The following ASB10 variants were observed in gnomAD, a reference collection of about 807,000 sequenced individuals.
ASB10 encodes ankyrin repeat and SOCS box protein 10.
In ASB10, 44 loss-of-function variants were observed where a neutral mutation model predicts 35.4. That is an observed-to-expected ratio of 1.24 (90% CI 0.98 to 1.60). The LOEUF (loss-of-function observed/expected upper bound fraction) is 1.60, where lower values mean the gene tolerates loss of function less well. Among genes scored for constraint, ASB10 ranks in the 40% most tolerant of loss-of-function variants. ASB10 has a pLI of 0.00. For synonymous variants in ASB10, 294 were observed against 280.4 expected (o/e 1.05, Z -0.49); for missense variants, 647 against 634.3 (o/e 1.02, Z -0.22).
chr7:151,176,162 G>A lies in ASB10; in HGVS notation c.1354C>T (p.Pro452Ser). 1.2e-6 allele frequency: 2 copies of A among 1,611,902 alleles called. No homozygotes were observed. Among genetic ancestry groups the A allele is most frequent in the Non-Finnish European group, 1.7e-6 (2 of 1,179,838 alleles). The change falls in exon 5 of 6, where the codon CCG becomes TCG. Residue 452 changes from proline (P) to serine (S), a missense_variant. Physicochemically the swap from Pro to Ser is moderately conservative, Grantham distance 74. Transcript: ENST00000420175. ...PQALPRLPLPPRLLRYLQLDF... is the reference protein window; with the variant it reads ...PQALPRLPLPSRLLRYLQLDF... ...AGCTGCAGGTAGCGGAGCAGGCGCG[G>A]TGGCAGGGGGAGGCGGGGCAGCGCT... is the stretch of plus-strand genomic sequence containing the variant.
chr7:151,181,011 C>T lies in ASB10; in HGVS notation c.1032G>A (p.Gln344=), dbSNP rs1801475862. The T allele has an allele frequency of 1.2e-6, 2 of 1,603,916 alleles. No individual in the cohort carries two copies. Among genetic ancestry groups the T allele is most frequent in the South Asian group, 1.1e-5 (1 of 90,856 alleles). ...GAGCCCGAACCACGTGCTCGGGGCT[C>T]TGGGCCAGGGCTGCAGCTGGGCCCT... ...ALQGPAAALA[Q]SPEHVVRALL... is the part of the protein sequence containing the mutation. The change falls in exon 3 of 6, where the codon CAG becomes CAA. Residue 344 remains glutamine (Q), a synonymous_variant. Transcript: ENST00000420175.
rs184009687 is a variant in ASB10 at position 151,183,882 on chromosome 7, G to A, written c.585-2424C>T. The stretch of plus-strand genomic sequence containing the variant: ...ATTACAGGCGTGAGCCACTGCGCCC[G>A]GCCTCAATTTTATATTGATTACATG... On this transcript the variant is annotated intron_variant, in intron 2 of 5. Coordinates refer to ENST00000420175, the MANE Select transcript of ASB10 (RefSeq NM_001142459.2). Among the ~76,000 whole-genome samples, 59 of 151,786 alleles carry A rather than the reference G, an allele frequency of 3.9e-4. No homozygotes were observed. In the East Asian group the frequency reaches 1.0e-2, roughly 26 times the overall value.
chr7:151,176,778 T>C (rs1192347560), intron 3 of ASB10, 102 bp from the exon 4 acceptor site: 1 of 796,360 alleles, frequency 1.3e-6, no homozygotes, highest in East Asian at 2.7e-5. Flanking sequence ...CCAAAAGATA[T>C]ATTGAAGACC....
At chr7:151,177,314 T>A (rs1801407290) in intron 3 of ASB10, among the ~76,000 whole-genome samples, 1 of 152,262 alleles carries the variant, frequency 6.6e-6, no homozygotes, top group Non-Finnish European at 1.5e-5. Context: ...ATATCCCATG[T>A]TATTATCCCA....
intron 2 of ASB10, among the ~76,000 whole-genome samples, chr7:151,185,387 G>C (rs927715788): frequency 6.6e-6 from 1 of 152,072 alleles, no homozygotes; most frequent in African/African-American, 2.4e-5. Flanking sequence ...CCAAAGTGCT[G>C]GGATTACAGG....
intron 2 of ASB10, among the ~76,000 whole-genome samples, chr7:151,184,188 T>C (rs1316257070): frequency 4.0e-5 from 6 of 150,808 alleles, no homozygotes; most frequent in Admixed American, 6.6e-5. Flanking sequence ...CCGAGGTGGG[T>C]GGATCACAAG....
rs904150823 is a variant in ASB10, at chr7:151,186,998, G to A, written c.133C>T (p.Pro45Ser). The change falls in exon 1 of 6, where the codon CCC (proline) becomes TCC (serine). Residue 45 changes from proline to serine, a missense_variant. Coordinates refer to ENST00000420175, the MANE Select transcript of ASB10 (RefSeq NM_001142459.2). ...SEEHLKSGPG[P>S]IVTRTASGPA... ...CCTGAGGCTGTGCGGGTGACGATGG[G>A]TCCCGGGCCAGACTTGAGGTGCTCC... The A allele has an allele frequency of 6.2e-6, 10 of 1,611,052 alleles. No homozygotes were observed. The highest frequency in any genetic ancestry group is 8.5e-6 in the Non-Finnish European group (10 of 1,178,030).
At chr7:151,185,497 G>A (rs759905452) in intron 2 of ASB10, among the ~76,000 whole-genome samples, 10 of 152,166 alleles carry the variant, frequency 6.6e-5, no homozygotes, top group Non-Finnish European at 8.8e-5. Context: ...ACTGGGCCAC[G>A]CTAGTAAAGA....
In ASB10 at chr7:151,181,344, C is replaced by T. The variant is rs762035087; in HGVS notation, c.699G>A (p.Leu233=). ...ARLGHVELAD[L]LLRRGACPDA... ...CAGGACATGCCCCCCGTCTTAGAAGCAGATCTGCCAGCTCCACATGGCCAA... is the reference window on the plus strand; with the variant it reads ...CAGGACATGCCCCCCGTCTTAGAAGTAGATCTGCCAGCTCCACATGGCCAA... Residue 233 remains leucine (L), a synonymous_variant, in exon 3 of 6, where the codon CTG becomes CTA. Transcript: ENST00000420175. 1.9e-6 allele frequency: 3 copies of T among 1,613,220 alleles called. No individual in the cohort carries two copies. The African/African-American group carries it at 4.0e-5, about 21-fold the overall frequency.
At position 151,181,300 on chromosome 7, in the gene ASB10, C is replaced by T. The variant is rs368226756; in HGVS notation, c.743G>A (p.Gly248Asp). 8 of 1,613,230 alleles carry T rather than the reference C, an allele frequency of 5.0e-6. No individual in the cohort carries two copies. Among genetic ancestry groups the T allele is most frequent in the Non-Finnish European group, 5.9e-6 (7 of 1,180,008 alleles). ...ACAGGCAGCCAGCAGTGGGGTCCAG[C>T]CTTCGGCATTGCGGGCATCAGGACA... ...GACPDARNAE[G>D]WTPLLAACDV... Residue 248 changes from glycine to aspartate, a missense_variant, in exon 3 of 6, where the codon GGC becomes GAC. Coordinates refer to ENST00000420175, the MANE Select transcript of ASB10 (RefSeq NM_001142459.2).
chr7:151,187,509 C>G (rs1801624590), upstream of ASB10: 2 of 1,551,278 alleles, frequency 1.3e-6, no homozygotes, highest in Admixed American at 2.0e-5. The surrounding 1 kb of genome is among the most constrained non-coding windows in gnomAD (Gnocchi z 5.3). Context: ...AGCAGGTCGG[C>G]TGTGCTGTGC....
intron 3 of ASB10, among the ~76,000 whole-genome samples, chr7:151,178,562 T>C (rs1408225000): frequency 6.6e-6 from 1 of 152,200 alleles, no homozygotes. Context: ...CAGCTAAGTA[T>C]TGTCTTTCAG....
chr7:151,181,546 C>G lies in ASB10; in HGVS notation c.585-88G>C, dbSNP rs1488902079. 4 of 1,453,168 alleles carry G rather than the reference C, an allele frequency of 2.8e-6. No individual in the cohort carries two copies. In the African/African-American group the frequency reaches 5.7e-5, roughly 21 times the overall value. The allele number at this position is 1,453,168 out of a possible 1,614,324, so 90.0% of individuals were successfully genotyped here. ...GGGTGGCTCTTGGTTCTGTCTCCCCCCACCCACCCTCCATCCTGCCCATCA... is the reference window on the plus strand; with the variant it reads ...GGGTGGCTCTTGGTTCTGTCTCCCCGCACCCACCCTCCATCCTGCCCATCA... On this transcript the variant is annotated intron_variant, in intron 2 of 5. Coordinates refer to ENST00000420175, the MANE Select transcript of ASB10 (RefSeq NM_001142459.2).
Position 151,186,482 on chromosome 7 carries a change from T to A in ASB10, c.494A>T (p.His165Leu). The A allele has an allele frequency of 6.3e-7, 1 of 1,599,814 alleles. No homozygotes were observed. Among genetic ancestry groups the A allele is most frequent in the Non-Finnish European group, 8.5e-7 (1 of 1,173,510 alleles). The change falls in exon 2 of 6, where the codon CAT becomes CTT. Residue 165 changes from histidine (H) to leucine (L), a missense_variant. Coordinates refer to ENST00000420175, the MANE Select transcript of ASB10 (RefSeq NM_001142459.2). ...ACAAGHTACVHVLLVAGADPN... is the reference protein window; with the variant it reads ...ACAAGHTACVLVLLVAGADPN... ...GTCGGCTCCTGCCACCAGCAGCACA[T>A]GAACACAGGCAGTGTGGCCTGCAGC...
At chr7:151,184,720 C>T (rs543726314) in intron 2 of ASB10, among the ~76,000 whole-genome samples, 29 of 152,126 alleles carry the variant, frequency 1.9e-4, no homozygotes, top group African/African-American at 6.0e-4. Context: ...TCGAACTGTA[C>T]GCTTAAAAAT....
chr7:151,182,256 A>C (rs1262301189), intron 2 of ASB10, among the ~76,000 whole-genome samples: 1 of 152,192 alleles, frequency 6.6e-6, no homozygotes, highest in African/African-American at 2.4e-5. Context: ...CAGTGGGCAC[A>C]CATGGAAATG....
upstream of ASB10, chr7:151,187,457 T>TG (rs1801623311): frequency 2.6e-6 from 4 of 1,551,172 alleles, 1 homozygote; most frequent in Admixed American, 7.8e-5. The surrounding 1 kb of genome is among the most constrained non-coding windows in gnomAD (Gnocchi z 5.3). Context: ...CTCACCCCTC[T>TG]GGTGGCTGCT....
chr7:151,187,046 C>T lies in ASB10; in HGVS notation c.85G>A (p.Glu29Lys). The change falls in exon 1 of 6, where the codon GAG becomes AAG. Residue 29 changes from glutamate (E) to lysine (K), a missense_variant. Glu to Lys is a moderately conservative substitution (Grantham distance 56, BLOSUM62 1). Coordinates refer to ENST00000420175, the MANE Select transcript of ASB10 (RefSeq NM_001142459.2). This position sits in a 1 kb window ranked among gnomAD's most constrained non-coding sequence, Gnocchi z 5.3. ...TCCTCAGACCCTCTGCTGGGCTTCT[C>T]CACCAGCCTGGCACAGAGGGGGTGT... The part of the protein sequence containing the change: ...DRHPLCARLV[E>K]KPSRGSEEHL... The T allele has an allele frequency of 2.5e-6, 4 of 1,610,308 alleles. No individual in the cohort carries two copies. In the South Asian group the frequency reaches 3.3e-5, roughly 13 times the overall value.
Position 151,186,385 on chromosome 7 carries a change from C to A in ASB10, c.584+7G>T, listed in dbSNP as rs1340280213. On this transcript the variant is annotated splice_region_variant and intron_variant, in intron 2 of 5. Coordinates refer to ENST00000420175, the MANE Select transcript of ASB10 (RefSeq NM_001142459.2). The stretch of plus-strand genomic sequence containing the variant: ...GGAACTGGGGGTTGGGGTGAGGGGT[C>A]ACTCACTCAAGGGTGCCAGGCCCCC... The A allele has an allele frequency of 3.8e-6, 6 of 1,577,978 alleles. No homozygotes were observed. Among genetic ancestry groups the A allele is most frequent in the Non-Finnish European group, 5.2e-6 (6 of 1,162,080 alleles).
Sources: gnomAD v4.1 joint callset for allele counts (sites outside exome capture counted in the v4.1 genomes callset) on GRCh38, gnomAD v4.1.1 for gene constraint, Gnocchi (gnomAD v3.1) non-coding constraint, MANE v1.5 for transcripts, NCBI Gene and HGNC (gene_info 2026-07-23, HGNC 2026-07-21) for gene names.